The following USP40 variants were observed in gnomAD, a reference collection of about 807,000 sequenced individuals.
USP40 encodes the protein ubiquitin specific peptidase 40, also known as ubiquitin carboxyl-terminal hydrolase 40.
A neutral mutation model predicts 166.2 loss-of-function variants in USP40; 143 were observed. That is an observed-to-expected ratio of 0.86 (90% CI 0.75 to 0.99). The LOEUF (loss-of-function observed/expected upper bound fraction) is 0.99. Among genes scored for constraint, USP40 ranks in the 50% least tolerant of loss-of-function variants. USP40 has a pLI of 0.00. For synonymous variants in USP40, 498 were observed against 524.0 expected (o/e 0.95, Z 0.68); for missense variants, 1,444 against 1,479.7 (o/e 0.98, Z 0.40).
At chr2:233,494,585 G>A (rs2125082180) in intron 24 of USP40, among the ~76,000 whole-genome samples, 1 of 152,026 alleles carries the variant, frequency 6.6e-6, no homozygotes, top group East Asian at 1.9e-4. Flanking sequence ...AAGATTTTTG[G>A]CTGGGCTTGG....
In USP40 at chr2:233,551,437, T is replaced by C. The variant is rs774211792; in HGVS notation, c.776A>G (p.Tyr259Cys). The change falls in exon 7 of 32, where the codon TAC becomes TGC. Residue 259 changes from tyrosine to cysteine, a missense_variant. By Grantham distance (194) the Tyr-to-Cys change is radical. Transcript: ENST00000678225. ...GAATGTATAACAGCTAGTTTCCTTG[T>C]AGCGTTCGCATTTCACAAAATCAAA... ...FNFDFVKCER[Y>C]KETSCYTFPL... is the part of the protein sequence containing the mutation. 4 of 1,612,842 alleles carry C rather than the reference T, an allele frequency of 2.5e-6. No homozygotes were observed. Among genetic ancestry groups the C allele is most frequent in the East Asian group, 2.2e-5 (1 of 44,868 alleles).
intron 26 of USP40, 104 bp from the exon 27 acceptor site, chr2:233,489,587 G>A (rs1417632420): frequency 2.3e-6 from 2 of 875,044 alleles, no homozygotes; most frequent in East Asian, 5.4e-5. Flanking sequence ...GCATCTCAAG[G>A]AAAGAGTATC....
chr2:233,556,783 A>G, intron 5 of USP40, 72 bp downstream of exon 5: 2 of 1,407,310 alleles, frequency 1.4e-6, no homozygotes, highest in Non-Finnish European at 1.9e-6. Flanking sequence ...TGTGTGGTAT[A>G]TATCATACAT....
intron 8 of USP40, among the ~76,000 whole-genome samples, chr2:233,543,121 A>G (rs1206307600): frequency 6.6e-6 from 1 of 152,222 alleles, no homozygotes. Flanking sequence ...GGAACATGTC[A>G]AAATTCCCCG....
At position 233,481,909 on chromosome 2, in the gene USP40, G is replaced by A. The variant is rs143222081; in HGVS notation, c.3505-612C>T. On this transcript the variant is annotated intron_variant, in intron 30 of 31. Transcript: ENST00000678225. ...TGTCCACAGGGAGGACGCCTCAGGG[G>A]CGCACCCAGGAAGGGAAGTGCGTGT... Among the ~76,000 whole-genome samples, 842 of 152,334 alleles carry A rather than the reference G, an allele frequency of 5.5e-3. 3 individuals carry two copies. The highest frequency in any genetic ancestry group is 8.2e-3 in the Non-Finnish European group (561 of 68,034).
intron 31 of USP40, among the ~76,000 whole-genome samples, chr2:233,479,709 T>C (rs1303263252): frequency 6.6e-6 from 1 of 151,532 alleles, no homozygotes; most frequent in East Asian, 1.9e-4. Context: ...CTGCAGCCCC[T>C]CTCCCATATC....
rs1415032891 is a variant in USP40 at position 233,543,794 on chromosome 2, A to G, written c.967-1431T>C. ...CAAATTACCCAGCCTAAGTGTTGTGATAGAGCAGCCTGAACCTGAATGGAC... is the reference window on the plus strand; with the variant it reads ...CAAATTACCCAGCCTAAGTGTTGTGGTAGAGCAGCCTGAACCTGAATGGAC... On this transcript the variant is annotated intron_variant, in intron 8 of 31. Coordinates refer to ENST00000678225, the MANE Select transcript of USP40 (RefSeq NM_001365479.2). 2.6e-5 allele frequency among the ~76,000 whole-genome samples: 4 copies of G among 152,222 alleles called. No individual in the cohort carries two copies. The South Asian group carries it at 8.3e-4, about 32-fold the overall frequency.
intron 26 of USP40, among the ~76,000 whole-genome samples, chr2:233,490,179 T>G (rs111899137): frequency 6.5e-5 from 9 of 137,736 alleles, no homozygotes; most frequent in African/African-American, 2.5e-4. Flanking sequence ...TTTTTTTTTT[T>G]TTGAGACGGA....
At chr2:233,490,611 T>C (rs2065271535) in intron 26 of USP40, among the ~76,000 whole-genome samples, 1 of 152,204 alleles carries the variant, frequency 6.6e-6, no homozygotes, top group Admixed American at 6.5e-5. Context: ...AGTCCAACAG[T>C]AGGCGGATGC....
rs762360176 is a variant in USP40, at chr2:233,554,368, ATC to A, written c.693+10_693+11del. ...GTGGGGACCCTGGGAAAAAGCAGTT[ATC>A]TGTCTTTACCTTTGCTGCTTTAACC... On this transcript the variant is annotated intron_variant, in intron 6 of 31. Transcript: ENST00000678225. 20 of 1,592,574 alleles carry A rather than the reference ATC, an allele frequency of 1.3e-5. No homozygotes were observed. The African/African-American group carries it at 2.7e-4, about 22-fold the overall frequency.
At chr2:233,564,274 T>A (rs2071931655) in intron 2 of USP40, among the ~76,000 whole-genome samples, 1 of 152,132 alleles carries the variant, frequency 6.6e-6, no homozygotes, top group African/African-American at 2.4e-5. Flanking sequence ...AAGAGGAACA[T>A]GGCAAACCAG....
chr2:233,528,800 G>T (rs1271793050), intron 12 of USP40, among the ~76,000 whole-genome samples: 2 of 151,992 alleles, frequency 1.3e-5, no homozygotes, highest in Non-Finnish European at 1.5e-5. Flanking sequence ...GGAGATCACG[G>T]TAACATCCAT....
intron 27 of USP40, 40 bp from the exon 28 acceptor site, chr2:233,488,344 C>G (rs1421447831): frequency 6.7e-7 from 1 of 1,503,504 alleles, no homozygotes; most frequent in Non-Finnish European, 9.0e-7. Context: ...AGTGACATAA[C>G]ATTTAATTTT....
chr2:233,486,925 G>A lies in USP40; in HGVS notation c.3198-948C>T, dbSNP rs2064987191. ...CAGATGCTGAAGTTGCCAAGGAGGG[G>A]ACAGAGGCTGCTGGAGAGAAACAGG... On this transcript the variant is annotated intron_variant, in intron 28 of 31. Transcript: ENST00000678225. This position sits in a 1 kb window ranked among gnomAD's most constrained non-coding sequence, Gnocchi z 4.0. 6.6e-6 allele frequency among the ~76,000 whole-genome samples: 1 copy of A among 152,182 alleles called. No individual in the cohort carries two copies. Among genetic ancestry groups the A allele is most frequent in the Admixed American group, 6.5e-5 (1 of 15,288 alleles).
At position 233,540,658 on chromosome 2, in the gene USP40, T is replaced by C. The variant is rs747745744; in HGVS notation, c.1170+4A>G. 1.3e-5 allele frequency: 21 copies of C among 1,600,442 alleles called. No individual in the cohort carries two copies. Among genetic ancestry groups the C allele is most frequent in the East Asian group, 2.2e-5 (1 of 44,572 alleles). ...GGACTTCCCAAAACGATGCCATGTA[T>C]TACCTTCCGCAGTGGTCCATGCTGT... On this transcript the variant is annotated splice_donor_region_variant and intron_variant, in intron 10 of 31. Coordinates refer to ENST00000678225, the MANE Select transcript of USP40 (RefSeq NM_001365479.2).
chr2:233,532,127 G>A (rs1559261041), intron 11 of USP40, among the ~76,000 whole-genome samples: 1 of 152,190 alleles, frequency 6.6e-6, no homozygotes, highest in African/African-American at 2.4e-5. Context: ...GCCTCTGAAT[G>A]GTTGCTGTTG....
In USP40 at chr2:233,493,479, G is replaced by A; in HGVS notation, c.2863C>T (p.Gln955Ter). The change falls in exon 25 of 32, where the codon CAG becomes TAG. Residue 955 changes from glutamine (Q) to a stop codon, truncating the protein, a stop_gained. Transcript: ENST00000678225. LOFTEE classifies it high-confidence loss of function. This position sits in a 1 kb window ranked among gnomAD's most constrained non-coding sequence, Gnocchi z 4.7. Reference protein sequence around the residue: ...PSGHWESHQDQTNCTSSWGRV... With the variant: ...PSGHWESHQD ...CCCCAAGACGAAGTACAGTTGGTCT[G>A]GTCCTGATGACTCTCCCAGTGTCCT... is the stretch of plus-strand genomic sequence containing the variant. 1 of 1,613,938 alleles carries A rather than the reference G, an allele frequency of 6.2e-7. No individual in the cohort carries two copies. The highest frequency in any genetic ancestry group is 1.1e-5 in the South Asian group (1 of 91,056).
intron 30 of USP40, among the ~76,000 whole-genome samples, chr2:233,484,567 C>T (rs1239086705): frequency 6.6e-6 from 1 of 151,836 alleles, no homozygotes; most frequent in East Asian, 1.9e-4. Flanking sequence ...ACATCCACCT[C>T]CCTAGCTCAT....
At position 233,481,278 on chromosome 2, in the gene USP40, T is replaced by C. The variant is rs1343581278; in HGVS notation, c.3524A>G (p.Asp1175Gly). The change falls in exon 31 of 32, where the codon GAT (aspartate) becomes GGT (glycine). Residue 1175 changes from aspartate (D) to glycine (G), a missense_variant. Physicochemically the swap from Asp to Gly is moderately conservative, Grantham distance 94. Coordinates refer to ENST00000678225, the MANE Select transcript of USP40 (RefSeq NM_001365479.2). ...IGVKNLLIDD[D>G]DDFSTIRDDT... The stretch of plus-strand genomic sequence containing the variant: ...ATCTCTGATTGTACTGAAATCATCA[T>C]CGTCGTCAATCAGGAGATTCTACAT... 6.2e-7 allele frequency: 1 copy of C among 1,603,616 alleles called. No individual in the cohort carries two copies. The highest frequency in any genetic ancestry group is 1.1e-5 in the South Asian group (1 of 88,742).
Sources: allele counts gnomAD v4.1 joint callset (sites outside exome capture counted in the v4.1 genomes callset), GRCh38; gene constraint gnomAD v4.1.1; non-coding constraint Gnocchi (gnomAD v3.1); transcripts MANE v1.5; gene names NCBI Gene and HGNC (gene_info 2026-07-23, HGNC 2026-07-21).